ZUP1: variants seen among roughly 807,000 people sequenced by gnomAD.
ZUP1 encodes zinc finger containing ubiquitin peptidase 1.
A neutral mutation model predicts 68.1 loss-of-function variants in ZUP1; 55 were observed. The observed-to-expected ratio is 0.81, with a 90% CI of 0.65 to 1.01. ZUP1 has a LOEUF of 1.01. Ranked by LOEUF, ZUP1 falls within the 50% of genes least tolerant of loss-of-function variation. The probability of loss-of-function intolerance (pLI) is 0.00; values close to 1 mark genes in which losing one functional copy is unlikely to be tolerated. For synonymous variants in ZUP1, 223 were observed against 221.5 expected (o/e 1.01, Z -0.06); for missense variants, 684 against 674.9 (o/e 1.01, Z -0.15).
intron 3 of ZUP1, among the ~76,000 whole-genome samples, chr6:116,659,245 G>T (rs1209986145): frequency 6.6e-6 from 1 of 152,084 alleles, no homozygotes; most frequent in Non-Finnish European, 1.5e-5. Flanking sequence ...TTCTCCTGCT[G>T]CAGCCTCCTG....
Position 116,652,113 on chromosome 6 carries a change from A to G in ZUP1, c.1041T>C (p.Asp347=), listed in dbSNP as rs1218232272. The G allele has an allele frequency of 1.2e-6, 2 of 1,614,030 alleles. No individual in the cohort carries two copies. The highest frequency in any genetic ancestry group is 1.1e-5 in the South Asian group (1 of 91,080). ...TGTCGCCTAAAGATGAATGAAAGTGATCCACCACTGAAGAAAGCCACACCC... is the reference window on the plus strand; with the variant it reads ...TGTCGCCTAAAGATGAATGAAAGTGGTCCACCACTGAAGAAAGCCACACCC... The part of the protein sequence containing the change: ...VRRVWLSSVV[D]HFHSSLGDKG... The change falls in exon 6 of 10, where the codon GAT becomes GAC. Residue 347 remains aspartate (D), a synonymous_variant. Transcript: ENST00000368576.
intron 5 of ZUP1, among the ~76,000 whole-genome samples, chr6:116,652,588 A>G (rs1032236942): frequency 2.0e-5 from 3 of 152,102 alleles, no homozygotes; most frequent in Non-Finnish European, 4.4e-5. Context: ...GTAATTTAAG[A>G]TTTTATTTTG....
chr6:116,652,045 G>C lies in ZUP1; in HGVS notation c.1109C>G (p.Ser370Ter), dbSNP rs1159854868. 1.2e-6 allele frequency: 2 copies of C among 1,613,814 alleles called. No individual in the cohort carries two copies. Among genetic ancestry groups the C allele is most frequent in the African/African-American group, 1.3e-5 (1 of 74,906 alleles). Residue 370 changes from serine (S) to a stop codon, truncating the protein, a stop_gained, in exon 6 of 10, where the codon TCA (serine) becomes TGA (stop). Coordinates refer to ENST00000368576, the MANE Select transcript of ZUP1 (RefSeq NM_145062.3). LOFTEE classifies it high-confidence loss of function. ...CGYRNFQMLL[S>*]SLLQNDAYND... ...GTAAGCATCATTTTGTAATAATGAT[G>C]AAAGTAGCATTTGGAAATTTCTGTA...
In ZUP1 at chr6:116,656,670, GT is replaced by G; in HGVS notation, c.961+13del. 2 of 1,601,788 alleles carry G rather than the reference GT, an allele frequency of 1.2e-6. No individual in the cohort carries two copies. The highest frequency in any genetic ancestry group is 1.7e-6 in the Non-Finnish European group (2 of 1,174,886). The stretch of plus-strand genomic sequence containing the variant: ...GCAATATTAAAACAATGACTCTGAT[GT>G]TTAAATACTCACCGGAAGTTTTTGT... On this transcript the variant is annotated intron_variant, in intron 5 of 9. Transcript: ENST00000368576.
chr6:116,653,581 T>C (rs1338964900), intron 5 of ZUP1, among the ~76,000 whole-genome samples: 1 of 151,948 alleles, frequency 6.6e-6, no homozygotes, highest in African/African-American at 2.4e-5. Flanking sequence ...CCAAAGAACT[T>C]AGAAAGACTT....
chr6:116,662,266 C>T (rs961314792), intron 2 of ZUP1, among the ~76,000 whole-genome samples: 1 of 152,206 alleles, frequency 6.6e-6, no homozygotes, highest in Non-Finnish European at 1.5e-5. Context: ...GCCAAGGAGG[C>T]CTTTGCTTAT....
Position 116,658,787 on chromosome 6 carries a change from T to C in ZUP1, c.792+16A>G, listed in dbSNP as rs1246941409. The C allele has an allele frequency of 1.3e-6, 2 of 1,541,832 alleles. No homozygotes were observed. The highest frequency in any genetic ancestry group is 1.8e-6 in the Non-Finnish European group (2 of 1,129,880). On this transcript the variant is annotated intron_variant, in intron 4 of 9. Coordinates refer to ENST00000368576, the MANE Select transcript of ZUP1 (RefSeq NM_145062.3). ...TTACCAAATCAAAATATTATAATTG[T>C]TATTAATCTTTGTACCTGCAGCTTC...
rs79864824 is a variant in ZUP1 at position 116,649,495 on chromosome 6, C to A, written c.1317-1885G>T. On this transcript the variant is annotated intron_variant, in intron 7 of 9. Coordinates refer to ENST00000368576, the MANE Select transcript of ZUP1 (RefSeq NM_145062.3). ...AAAAGTAAATAAAAGAAAATGGAGA[C>A]CGTATGTTTCAAAATCAGAGAGAGG... Among the ~76,000 whole-genome samples, 19 of 151,940 alleles carry A rather than the reference C, an allele frequency of 1.3e-4. 1 individual carries two copies. The East Asian group carries it at 3.7e-3, about 29-fold the overall frequency.
At chr6:116,666,333 C>CA (rs1415030512) in intron 2 of ZUP1, among the ~76,000 whole-genome samples, 42 of 152,252 alleles carry the variant, frequency 2.8e-4, no homozygotes, top group Admixed American at 2.7e-3. Flanking sequence ...AATGCAAAGT[C>CA]AGAGAGTCCA....
intron 2 of ZUP1, among the ~76,000 whole-genome samples, chr6:116,661,436 C>A (rs1776838306): frequency 6.6e-6 from 1 of 152,070 alleles, no homozygotes; most frequent in African/African-American, 2.4e-5. Context: ...GTAAGTAGGG[C>A]CCAGTCTGGA....
chr6:116,645,568 G>T, intron 9 of ZUP1, 146 bp downstream of exon 9: 1 of 616,230 alleles, frequency 1.6e-6, no homozygotes, highest in Non-Finnish European at 2.6e-6. Context: ...GGTCAACAGA[G>T]TGAGACCCTG....
intron 5 of ZUP1, among the ~76,000 whole-genome samples, chr6:116,654,706 A>C (rs1776612925): frequency 6.6e-6 from 1 of 152,046 alleles, no homozygotes; most frequent in Non-Finnish European, 1.5e-5. Flanking sequence ...AATACTTAAC[A>C]GTCTCCTATA....
rs1321647166 is a variant in ZUP1 at position 116,645,076 on chromosome 6, A to T, written c.1689+638T>A. ...GTACAAAAGTACTTTTGAAAGCTTT[A>T]TTAAGTTTTAATTAACATACAGTAA... On this transcript the variant is annotated intron_variant, in intron 9 of 9. Coordinates refer to ENST00000368576, the MANE Select transcript of ZUP1 (RefSeq NM_145062.3). Among the ~76,000 whole-genome samples the T allele has an allele frequency of 5.9e-5, 9 of 152,070 alleles. No homozygotes were observed. The East Asian group carries it at 1.7e-3, about 29-fold the overall frequency.
chr6:116,636,984 A>G (rs915922852), intron 9 of ZUP1, among the ~76,000 whole-genome samples: 1 of 152,202 alleles, frequency 6.6e-6, no homozygotes, highest in Non-Finnish European at 1.5e-5. Flanking sequence ...CCTACAGTAT[A>G]AAGTACTGTT....
At chr6:116,662,999 A>C (rs781282151) in intron 2 of ZUP1, among the ~76,000 whole-genome samples, 4 of 152,084 alleles carry the variant, frequency 2.6e-5, no homozygotes, top group Non-Finnish European at 4.4e-5. Context: ...TAGCAACTTC[A>C]ATATCCATAG....
chr6:116,667,026 T>G lies in ZUP1; in HGVS notation c.167A>C (p.Asn56Thr). 4.3e-6 allele frequency: 7 copies of G among 1,613,770 alleles called. No homozygotes were observed. Among genetic ancestry groups the G allele is most frequent in the African/African-American group, 4.0e-5 (3 of 75,038 alleles). The part of the protein sequence containing the change: ...FHIETAHFEQ[N>T]TLERNFERIN... ...CCTCTCAAAGTTTCTTTCAAGTGTA[T>G]TCTGCTCAAAATGAGCTGTTTCGAT... The change falls in exon 2 of 10, where the codon AAT (asparagine) becomes ACT (threonine). Residue 56 changes from asparagine to threonine, a missense_variant. Coordinates refer to ENST00000368576, the MANE Select transcript of ZUP1 (RefSeq NM_145062.3).
chr6:116,665,866 C>T (rs752595879), intron 2 of ZUP1, among the ~76,000 whole-genome samples: 13 of 150,884 alleles, frequency 8.6e-5, no homozygotes, highest in Non-Finnish European at 1.6e-4. Context: ...GCTGGGATTA[C>T]AGGCATGAGC....
intron 9 of ZUP1, among the ~76,000 whole-genome samples, chr6:116,640,297 A>G (rs1356750735): frequency 6.6e-6 from 1 of 152,236 alleles, no homozygotes; most frequent in East Asian, 1.9e-4. Flanking sequence ...TCCCCAATCT[A>G]GCAAGGGAGG....
At chr6:116,665,720 C>G (rs1276330278) in intron 2 of ZUP1, among the ~76,000 whole-genome samples, 2 of 149,762 alleles carry the variant, frequency 1.3e-5, no homozygotes, top group African/African-American at 2.5e-5. Context: ...GCTGGGGCTA[C>G]AGACGCAAGC....
Sources: allele counts gnomAD v4.1 joint callset (sites outside exome capture counted in the v4.1 genomes callset), GRCh38; gene constraint gnomAD v4.1.1; transcripts MANE v1.5; gene names NCBI Gene and HGNC (gene_info 2026-07-23, HGNC 2026-07-21).